Variants in ZBTB46 observed in about 807,000 individuals in gnomAD.
The protein encoded by ZBTB46 is zinc finger and BTB domain containing 46, also known as zinc finger and BTB domain-containing protein 46.
ZBTB46 carries 8 observed loss-of-function variants against 44.1 expected under a neutral mutation model. The observed-to-expected ratio is 0.18, with a 90% CI of 0.11 to 0.33. The LOEUF (loss-of-function observed/expected upper bound fraction) is 0.33, where lower values mean the gene tolerates loss of function less well. ZBTB46 is among the 10% of genes least tolerant of loss of function. The probability of loss-of-function intolerance (pLI) is 1.00; values close to 1 mark genes in which losing one functional copy is unlikely to be tolerated. For missense variants in ZBTB46, 651 were observed against 847.7 expected, an observed-to-expected ratio of 0.77 and a Z score of 2.88; for synonymous variants, 409 against 382.3, an observed-to-expected ratio of 1.07 and a Z score of -0.81.
chr20:63,756,006 C>T (rs899491942), intron 3 of ZBTB46, among the ~76,000 whole-genome samples: 4 of 152,188 alleles, frequency 2.6e-5, no homozygotes, highest in African/African-American at 9.7e-5. Flanking sequence ...ATAGGACATT[C>T]AGCGACATCC....
At chr20:63,762,381 C>T (rs1277412794) in intron 3 of ZBTB46, among the ~76,000 whole-genome samples, 2 of 109,214 alleles carry the variant, frequency 1.8e-5, no homozygotes, top group Non-Finnish European at 3.9e-5. Flanking sequence ...TTGCCGGGCA[C>T]AGTAGCTCAC....
At chr20:63,789,672 G>A in intron 2 of ZBTB46, 149 bp downstream of exon 2, 3 of 1,342,370 alleles carry the variant, frequency 2.2e-6, no homozygotes, top group Non-Finnish European at 3.0e-6. Context: ...TGCATTCCCA[G>A]CGGTCACGAC....
intron 3 of ZBTB46, among the ~76,000 whole-genome samples, chr20:63,765,281 C>T (rs987597177): frequency 7.2e-5 from 11 of 152,262 alleles, no homozygotes; most frequent in African/African-American, 2.4e-4. Context: ...CTGCCGTCCG[C>T]TCAGGGTCCA....
chr20:63,815,474 ATAGGTG>A, intron 1 of ZBTB46, among the ~76,000 whole-genome samples: 1 of 135,926 alleles, frequency 7.4e-6, no homozygotes, highest in Non-Finnish European at 1.5e-5. Context: ...ACAGGTGGGC[ATAGGTG>A]CAGTGAGTGC....
intron 1 of ZBTB46, among the ~76,000 whole-genome samples, chr20:63,809,877 C>T (rs2092707813): frequency 6.6e-6 from 1 of 151,810 alleles, no homozygotes; most frequent in Non-Finnish European, 1.5e-5. Flanking sequence ...GTGGGAGGAT[C>T]CCTTGAGTCG....
intron 1 of ZBTB46, among the ~76,000 whole-genome samples, chr20:63,828,495 G>C (rs1387052852): frequency 6.6e-6 from 1 of 152,104 alleles, no homozygotes; most frequent in African/African-American, 2.4e-5. Flanking sequence ...AGATTCAAAG[G>C]GTATTTTTTT....
intron 1 of ZBTB46, among the ~76,000 whole-genome samples, chr20:63,815,878 T>A (rs1331858136): frequency 7.4e-6 from 1 of 136,026 alleles, no homozygotes; most frequent in Non-Finnish European, 1.5e-5. Context: ...GCAGGTCCAG[T>A]GGGTGCAGGT....
Position 63,767,804 on chromosome 20 carries a change from C to T in ZBTB46, c.1222+7874G>A. 3 of 910,052 alleles carry T rather than the reference C, an allele frequency of 3.3e-6. No individual in the cohort carries two copies. Among genetic ancestry groups the T allele is most frequent in the Non-Finnish European group, 3.9e-6 (3 of 762,096 alleles). 56.4% of individuals were successfully genotyped at this position (910,052 alleles called of 1,614,324 possible). On this transcript the variant is annotated intron_variant, in intron 3 of 4. Coordinates refer to ENST00000245663, the MANE Select transcript of ZBTB46 (RefSeq NM_001369741.1). The surrounding 1 kb of genome is among the most constrained non-coding windows in gnomAD (Gnocchi z 5.0). Reference sequence around the variant, plus strand: ...AAGCCGTCCTGGCACTGGCTGCCCCCAGGGCTGGGCAAGTCCATCCAGGGC... The same window carrying T: ...AAGCCGTCCTGGCACTGGCTGCCCCTAGGGCTGGGCAAGTCCATCCAGGGC...
In ZBTB46 at chr20:63,767,906, CCA is replaced by C; in HGVS notation, c.1222+7770_1222+7771del. On this transcript the variant is annotated intron_variant, in intron 3 of 4. Transcript: ENST00000245663. This position sits in a 1 kb window ranked among gnomAD's most constrained non-coding sequence, Gnocchi z 5.0. ...GACAGGCCACAGGCCCTGCAGAAAC[CCA>C]CCCTCATGCCAGCGGGAGCCAACTC... The C allele has an allele frequency of 1.0e-6, 1 of 985,450 alleles. No individual in the cohort carries two copies. The highest frequency in any genetic ancestry group is 1.2e-6 in the Non-Finnish European group (1 of 829,928). 61.0% of individuals were successfully genotyped at this position (985,450 alleles called of 1,614,324 possible). A position where few individuals can be genotyped will look rare whatever the true frequency, so the allele number is the denominator to read the frequency against.
In ZBTB46 at chr20:63,748,736, C is replaced by T. The variant is rs553649939; in HGVS notation, c.1399-1435G>A. On this transcript the variant is annotated intron_variant, in intron 4 of 4. Coordinates refer to ENST00000245663, the MANE Select transcript of ZBTB46 (RefSeq NM_001369741.1). ...TCGGCTCCTCCCTCCATCCACAGGG[C>T]TGTCTCCCGGGGCCTGCAGCACCTC... Among the ~76,000 whole-genome samples, 5 of 152,352 alleles carry T rather than the reference C, an allele frequency of 3.3e-5. No homozygotes were observed. In the South Asian group the frequency reaches 1.0e-3, roughly 32 times the overall value.
intron 3 of ZBTB46, among the ~76,000 whole-genome samples, chr20:63,772,364 G>C (rs754447434): frequency 3.3e-5 from 5 of 152,168 alleles, no homozygotes; most frequent in Non-Finnish European, 5.9e-5. Flanking sequence ...GAACTTAAGA[G>C]AAATAACAAA....
At chr20:63,826,674 G>C (rs574158619) in intron 1 of ZBTB46, among the ~76,000 whole-genome samples, 1 of 152,164 alleles carries the variant, frequency 6.6e-6, no homozygotes, top group Non-Finnish European at 1.5e-5. Context: ...GCAGTGAGCC[G>C]ACATCGCGCC....
At chr20:63,810,134 C>G (rs1235926237) in intron 1 of ZBTB46, among the ~76,000 whole-genome samples, 1 of 152,168 alleles carries the variant, frequency 6.6e-6, no homozygotes, top group Non-Finnish European at 1.5e-5. Context: ...ACTAATTCCA[C>G]TTCTGAGACT....
intron 1 of ZBTB46, among the ~76,000 whole-genome samples, chr20:63,797,005 GTTT>G (rs1354934881): frequency 6.6e-6 from 1 of 151,948 alleles, no homozygotes; most frequent in Non-Finnish European, 1.5e-5. Context: ...CCCGGTTTTT[GTTT>G]TTGTTTTTTT....
chr20:63,786,115 C>T (rs1003334808), intron 2 of ZBTB46, among the ~76,000 whole-genome samples: 7 of 152,200 alleles, frequency 4.6e-5, no homozygotes, highest in East Asian at 1.9e-4. Context: ...GTGCTGACAA[C>T]GGACCCTGCA....
intron 2 of ZBTB46, among the ~76,000 whole-genome samples, chr20:63,789,276 A>T (rs1300096401): frequency 6.6e-6 from 1 of 152,226 alleles, no homozygotes; most frequent in African/African-American, 2.4e-5. Flanking sequence ...AGGTCAAGGC[A>T]AGCTGAGCCA....
chr20:63,764,793 G>T (rs1353981782), intron 3 of ZBTB46, among the ~76,000 whole-genome samples: 2 of 151,876 alleles, frequency 1.3e-5, no homozygotes, highest in African/African-American at 2.4e-5. Context: ...GTAGAGATGG[G>T]GTTTCTCCAT....
intron 3 of ZBTB46, among the ~76,000 whole-genome samples, chr20:63,757,602 G>A (rs2092232439): frequency 6.6e-6 from 1 of 152,134 alleles, no homozygotes; most frequent in African/African-American, 2.4e-5. Flanking sequence ...AAGCCTTGAT[G>A]TCTGCATCTG....
chr20:63,786,982 C>A (rs1310391400), intron 2 of ZBTB46, among the ~76,000 whole-genome samples: 1 of 152,100 alleles, frequency 6.6e-6, no homozygotes, highest in African/African-American at 2.4e-5. Flanking sequence ...CAGGGTCTGG[C>A]CGTAGCTCAG....
Sources: allele counts gnomAD v4.1 joint callset (sites outside exome capture counted in the v4.1 genomes callset), GRCh38; gene constraint gnomAD v4.1.1; non-coding constraint Gnocchi (gnomAD v3.1); transcripts MANE v1.5; gene names NCBI Gene and HGNC (gene_info 2026-07-23, HGNC 2026-07-21).